Variants in CACNA1D observed in about 807,000 individuals in gnomAD.
CACNA1D encodes voltage-dependent L-type calcium channel subunit alpha-1D.
A neutral mutation model predicts 257.1 loss-of-function variants in CACNA1D; 55 were observed. The observed-to-expected ratio is 0.21, with a 90% CI of 0.17 to 0.27. CACNA1D has a LOEUF of 0.27. Ranked by LOEUF, CACNA1D falls within the 10% of genes least tolerant of loss-of-function variation. CACNA1D has a pLI of 1.00. For missense variants in CACNA1D, 1,876 were observed against 2,784.0 expected (o/e 0.67, Z 7.34); for synonymous variants, 980 against 1,014.9 (o/e 0.97, Z 0.65).
intron 3 of CACNA1D, among the ~76,000 whole-genome samples, chr3:53,524,206 T>C (rs558004896): frequency 6.6e-6 from 1 of 152,230 alleles, no homozygotes. Flanking sequence ...GCTGAGAATG[T>C]AAGGGTTACT....
chr3:53,732,684 G>T, intron 18 of CACNA1D, 131 bp from the exon 19 acceptor site: 1 of 843,134 alleles, frequency 1.2e-6, no homozygotes. Context: ...GAAGGAGCAG[G>T]AGGGTTTTGA....
rs1305604679 is a variant in CACNA1D, at chr3:53,682,373, A to C, written c.1220+9247A>C. 1.1e-3 allele frequency among the ~76,000 whole-genome samples: 98 copies of C among 85,950 alleles called. 2 individuals carry two copies. The highest frequency in any genetic ancestry group is 3.9e-3 in the African/African-American group (94 of 23,932). 56.4% of individuals were successfully genotyped at this position (85,950 alleles called of 152,430 possible). A position where few individuals can be genotyped will look rare whatever the true frequency, so the allele number is the denominator to read the frequency against. ...CGAGGCTTTGTCTCTGGTAAAAAAA[A>C]AAAAAAAAAAAAAAAAAAAAAAACA... is the stretch of plus-strand genomic sequence containing the variant. On this transcript the variant is annotated intron_variant, in intron 8 of 47. Transcript: ENST00000350061.
At chr3:53,689,371 C>A (rs1005754978) in intron 8 of CACNA1D, among the ~76,000 whole-genome samples, 2 of 150,208 alleles carry the variant, frequency 1.3e-5, no homozygotes, top group African/African-American at 2.5e-5. Context: ...CTTTAAGCTG[C>A]GGGAGCTGTC....
intron 3 of CACNA1D, among the ~76,000 whole-genome samples, chr3:53,509,096 G>A (rs1171564712): frequency 2.0e-5 from 3 of 152,216 alleles, no homozygotes; most frequent in Admixed American, 1.3e-4. Flanking sequence ...GTGGAGGCGG[G>A]GGCCTTCCTT....
chr3:53,732,549 T>G (rs997886306), intron 18 of CACNA1D, among the ~76,000 whole-genome samples: 1 of 152,152 alleles, frequency 6.6e-6, no homozygotes, highest in Non-Finnish European at 1.5e-5. Flanking sequence ...CACTGCCACC[T>G]TTCATCTGTG....
chr3:53,542,793 G>A (rs901707709), intron 3 of CACNA1D, among the ~76,000 whole-genome samples: 2 of 152,020 alleles, frequency 1.3e-5, no homozygotes, highest in African/African-American at 4.8e-5. Context: ...GGTGACTCAC[G>A]CCTGTAATCT....
At chr3:53,502,054 T>A (rs2090627050) in intron 3 of CACNA1D, among the ~76,000 whole-genome samples, 1 of 145,860 alleles carries the variant, frequency 6.9e-6, no homozygotes. Context: ...TTTCTTTTCT[T>A]TTTTTTTTTT....
intron 21 of CACNA1D, 99 bp from the exon 22 acceptor site, chr3:53,742,912 G>A: frequency 1.2e-6 from 1 of 809,684 alleles, no homozygotes; most frequent in Non-Finnish European, 2.2e-6. Flanking sequence ...ATGCACACTT[G>A]TTAATGAAGT....
intron 45 of CACNA1D, 141 bp from the exon 46 acceptor site, chr3:53,808,508 A>G (rs2095578847): frequency 3.1e-6 from 3 of 968,442 alleles, no homozygotes; most frequent in African/African-American, 3.2e-5. Flanking sequence ...TGGAGACCTC[A>G]CTACCTAATC....
At chr3:53,600,355 T>G (rs1332548142) in intron 3 of CACNA1D, among the ~76,000 whole-genome samples, 2 of 152,266 alleles carry the variant, frequency 1.3e-5, no homozygotes, top group African/African-American at 2.4e-5. Context: ...ATATAGTTGC[T>G]TTCTGGTAAA....
chr3:53,670,972 G>A (rs1212261208), intron 7 of CACNA1D, among the ~76,000 whole-genome samples: 4 of 152,158 alleles, frequency 2.6e-5, no homozygotes, highest in African/African-American at 9.7e-5. Context: ...TCTCAGAGCC[G>A]AAGCTTGTCT....
intron 4 of CACNA1D, among the ~76,000 whole-genome samples, chr3:53,651,370 T>TC (rs1402858514): frequency 1.6e-5 from 2 of 127,812 alleles, no homozygotes; most frequent in Non-Finnish European, 1.5e-5. Flanking sequence ...AATTTTCTTT[T>TC]TTTTTTTTTT....
At chr3:53,798,363 G>A (rs2095518845) in intron 40 of CACNA1D, among the ~76,000 whole-genome samples, 1 of 152,048 alleles carries the variant, frequency 6.6e-6, no homozygotes, top group Admixed American at 6.5e-5. Context: ...GTGCACGCAC[G>A]TGTATGCACA....
intron 47 of CACNA1D, chr3:53,810,615 G>A (rs1037443081): frequency 1.0e-5 from 4 of 389,760 alleles, no homozygotes; most frequent in East Asian, 6.1e-5. Flanking sequence ...AAAATTAGCC[G>A]GGCGTGGTGG....
chr3:53,531,933 G>A (rs1335532781), intron 3 of CACNA1D, among the ~76,000 whole-genome samples: 3 of 151,982 alleles, frequency 2.0e-5, no homozygotes, highest in African/African-American at 7.3e-5. Context: ...GCAGGTGGCA[G>A]GTAGCTAATA....
Position 53,768,030 on chromosome 3 carries a change from TG to T in CACNA1D, c.3871-1942del, listed in dbSNP as rs1436832803. 8.5e-5 allele frequency among the ~76,000 whole-genome samples: 13 copies of T among 152,364 alleles called. No homozygotes were observed. The East Asian group carries it at 2.3e-3, about 27-fold the overall frequency. The stretch of plus-strand genomic sequence containing the variant: ...TCTTTTAAACAGAATATTCATGGTT[TG>T]AAGTTCATAGTCCATAGGTTGTCAG... On this transcript the variant is annotated intron_variant, in intron 30 of 47. Coordinates refer to ENST00000350061, the MANE Select transcript of CACNA1D (RefSeq NM_001128840.3).
At chr3:53,780,517 G>C (rs1010722636) in intron 38 of CACNA1D, among the ~76,000 whole-genome samples, 2 of 152,214 alleles carry the variant, frequency 1.3e-5, no homozygotes, top group African/African-American at 4.8e-5. Context: ...CTTTCCCTAT[G>C]AAAAGGAAAT....
chr3:53,576,244 A>G (rs1369624777), intron 3 of CACNA1D, among the ~76,000 whole-genome samples: 4 of 152,322 alleles, frequency 2.6e-5, no homozygotes, highest in South Asian at 2.1e-4. Flanking sequence ...GACATTTGTT[A>G]TATTATAAAA....
chr3:53,514,063 G>A (rs901901532), intron 3 of CACNA1D, among the ~76,000 whole-genome samples: 2 of 152,108 alleles, frequency 1.3e-5, no homozygotes, highest in Non-Finnish European at 2.9e-5. Flanking sequence ...ATGCATGACT[G>A]TAATCTCCTC....
Sources: gnomAD v4.1 joint callset for allele counts (sites outside exome capture counted in the v4.1 genomes callset) on GRCh38, gnomAD v4.1.1 for gene constraint, MANE v1.5 for transcripts, NCBI Gene and HGNC (gene_info 2026-07-23, HGNC 2026-07-21) for gene names.